The following EFCAB6 variants were observed in gnomAD, a reference collection of about 807,000 sequenced individuals.
EFCAB6 encodes the protein EF-hand calcium-binding domain-containing protein 6.
Under a neutral mutation model 169.8 loss-of-function variants are expected in EFCAB6, and 156 were observed. That is an observed-to-expected ratio of 0.92 (90% CI 0.81 to 1.05). The LOEUF (loss-of-function observed/expected upper bound fraction) is 1.05, where lower values mean the gene tolerates loss of function less well. Among genes scored for constraint, EFCAB6 ranks in the 50% least tolerant of loss-of-function variants. The probability of loss-of-function intolerance (pLI) is 0.00; values close to 1 mark genes in which losing one functional copy is unlikely to be tolerated. For synonymous variants in EFCAB6, 698 were observed against 676.4 expected (o/e 1.03, Z -0.50); for missense variants, 1,800 against 1,829.1 (o/e 0.98, Z 0.29).
chr22:43,659,659 CAAAA>C (rs533431138), intron 17 of EFCAB6, among the ~76,000 whole-genome samples: 2 of 144,314 alleles, frequency 1.4e-5, no homozygotes, highest in African/African-American at 5.1e-5. Flanking sequence ...TACCCTATCT[CAAAA>C]AAAAAACAAA....
chr22:43,753,741 A>G (rs2060855542), intron 6 of EFCAB6, among the ~76,000 whole-genome samples: 1 of 152,214 alleles, frequency 6.6e-6, no homozygotes, highest in South Asian at 2.1e-4. Context: ...GCTGGGGTTC[A>G]GCTGGTTTGG....
intron 5 of EFCAB6, among the ~76,000 whole-genome samples, chr22:43,761,371 A>G (rs765284079): frequency 1.2e-4 from 19 of 152,106 alleles, no homozygotes; most frequent in Non-Finnish European, 7.3e-5. Flanking sequence ...CAAGTCTCCT[A>G]TGCCTGTCCT....
intron 2 of EFCAB6, among the ~76,000 whole-genome samples, chr22:43,801,865 T>C (rs1265210408): frequency 6.6e-6 from 1 of 152,124 alleles, no homozygotes; most frequent in Admixed American, 6.5e-5. Flanking sequence ...TTCTTACTCA[T>C]CAACAATAAC....
chr22:43,804,876 GT>G (rs1444949508), intron 2 of EFCAB6, among the ~76,000 whole-genome samples: 1 of 152,040 alleles, frequency 6.6e-6, no homozygotes, highest in Non-Finnish European at 1.5e-5. Context: ...CAAACCTTTG[GT>G]TAGACTAAGA....
intron 2 of EFCAB6, among the ~76,000 whole-genome samples, chr22:43,792,641 A>G (rs2062345053): frequency 6.6e-6 from 1 of 152,146 alleles, no homozygotes; most frequent in Non-Finnish European, 1.5e-5. Flanking sequence ...TCCCACCCCC[A>G]GTTATTCTTC....
chr22:43,702,368 C>T (rs1018177030), intron 10 of EFCAB6, among the ~76,000 whole-genome samples: 1 of 152,196 alleles, frequency 6.6e-6, no homozygotes, highest in African/African-American at 2.4e-5. Context: ...GACAGGAACA[C>T]CTTGGTGGAA....
At chr22:43,567,012 A>G (rs1171397297) in intron 26 of EFCAB6, among the ~76,000 whole-genome samples, 1 of 151,880 alleles carries the variant, frequency 6.6e-6, no homozygotes, top group Non-Finnish European at 1.5e-5. Context: ...CCTGGTATCC[A>G]CCTGGGCTGG....
At chr22:43,644,451 C>T (rs1015958794) in intron 17 of EFCAB6, among the ~76,000 whole-genome samples, 2 of 152,120 alleles carry the variant, frequency 1.3e-5, no homozygotes, top group Non-Finnish European at 2.9e-5. Context: ...CAATTTAAAT[C>T]ACTCCCACAA....
chr22:43,528,804 T>C lies in EFCAB6; in HGVS notation c.*49A>G, dbSNP rs760028498. The stretch of plus-strand genomic sequence containing the variant: ...CCAAATTATAGGATTTTATTAGCCT[T>C]GAAACAGGCCCTGTGGCTGTCGTCC... On this transcript the variant is annotated 3_prime_UTR_variant, in exon 32 of 32. Transcript: ENST00000262726. The C allele has an allele frequency of 1.6e-5, 24 of 1,526,192 alleles. No homozygotes were observed. The South Asian group carries it at 2.8e-4, about 17-fold the overall frequency. 94.5% of individuals were successfully genotyped at this position (1,526,192 alleles called of 1,614,324 possible).
At chr22:43,638,506 C>T (rs1388599342) in intron 17 of EFCAB6, among the ~76,000 whole-genome samples, 1 of 152,138 alleles carries the variant, frequency 6.6e-6, no homozygotes, top group East Asian at 1.9e-4. Context: ...GTTGCTGGGC[C>T]CTCTCTGTGA....
intron 29 of EFCAB6, chr22:43,535,307 C>T (rs1322673149): frequency 2.5e-5 from 4 of 157,022 alleles, no homozygotes; most frequent in Non-Finnish European, 4.2e-5. Context: ...TATTTCCTAA[C>T]GGCACCAGAG....
At chr22:43,750,762 A>G (rs1056783557) in intron 6 of EFCAB6, among the ~76,000 whole-genome samples, 1 of 152,208 alleles carries the variant, frequency 6.6e-6, no homozygotes, top group Non-Finnish European at 1.5e-5. Context: ...TATCCCTTGA[A>G]TATTAAATTT....
At chr22:43,580,313 A>T in intron 25 of EFCAB6, 151 bp downstream of exon 25, 1 of 746,444 alleles carries the variant, frequency 1.3e-6, no homozygotes, top group Non-Finnish European at 2.1e-6. Flanking sequence ...AAGAGTGGAT[A>T]CACAACTACC....
At chr22:43,810,319 A>G (rs762133665) in intron 1 of EFCAB6, among the ~76,000 whole-genome samples, 8 of 152,218 alleles carry the variant, frequency 5.3e-5, no homozygotes, top group Non-Finnish European at 8.8e-5. Flanking sequence ...AGAAGTAGTA[A>G]AACTGTGGAC....
At chr22:43,593,238 G>C (rs551844051) in intron 23 of EFCAB6, among the ~76,000 whole-genome samples, 1 of 152,342 alleles carries the variant, frequency 6.6e-6, no homozygotes, top group South Asian at 2.1e-4. Context: ...AGAGAGCATG[G>C]GTGTGGCAAG....
chr22:43,653,802 G>T (rs1357542678), intron 17 of EFCAB6, among the ~76,000 whole-genome samples: 1 of 152,108 alleles, frequency 6.6e-6, no homozygotes, highest in Admixed American at 6.5e-5. Flanking sequence ...GGGGGAGGGC[G>T]CACTTTCATG....
chr22:43,573,112 C>T (rs185846061), intron 26 of EFCAB6, among the ~76,000 whole-genome samples: 25 of 152,222 alleles, frequency 1.6e-4, no homozygotes, highest in Admixed American at 5.2e-4. Flanking sequence ...CGGGGAATAA[C>T]GCCTAAGACT....
intron 11 of EFCAB6, 55 bp from the exon 12 acceptor site, chr22:43,683,910 C>G (rs2058094894): frequency 3.6e-6 from 5 of 1,403,050 alleles, no homozygotes; most frequent in Non-Finnish European, 5.0e-6. Context: ...GAACTTTGTT[C>G]TTTTCTTAAT....
intron 20 of EFCAB6, among the ~76,000 whole-genome samples, chr22:43,625,868 A>G (rs2054478033): frequency 6.6e-6 from 1 of 152,250 alleles, no homozygotes; most frequent in African/African-American, 2.4e-5. Context: ...CACTTGACAA[A>G]GATTTATCTG....
Sources: gnomAD v4.1 joint callset for allele counts (sites outside exome capture counted in the v4.1 genomes callset) on GRCh38, gnomAD v4.1.1 for gene constraint, MANE v1.5 for transcripts, NCBI Gene and HGNC (gene_info 2026-07-23, HGNC 2026-07-21) for gene names.